SMG1: variants seen among roughly 807,000 people sequenced by gnomAD.
SMG1 encodes serine/threonine-protein kinase SMG1.
Under a neutral mutation model 419.9 loss-of-function variants are expected in SMG1, and 22 were observed. That is an observed-to-expected ratio of 0.05 (90% CI 0.04 to 0.07). The LOEUF (loss-of-function observed/expected upper bound fraction) is 0.07, where lower values mean the gene tolerates loss of function less well. SMG1 is among the 10% of genes least tolerant of loss of function. The pLI is 1.00. For missense variants in SMG1, 3,185 were observed against 4,342.0 expected (o/e 0.73, Z 7.49); for synonymous variants, 1,538 against 1,553.5 (o/e 0.99, Z 0.23).
At chr16:18,903,150 T>G (rs2141897710) in intron 1 of SMG1, among the ~76,000 whole-genome samples, 1 of 152,300 alleles carries the variant, frequency 6.6e-6, no homozygotes, top group South Asian at 2.1e-4. Flanking sequence ...TAGTAACATT[T>G]CTAGCAAACA....
chr16:18,908,874 C>T (rs954911048), intron 1 of SMG1, among the ~76,000 whole-genome samples: 27 of 149,806 alleles, frequency 1.8e-4, no homozygotes, highest in Admixed American at 5.3e-4. Flanking sequence ...AGCGAGACTC[C>T]GCCTCAAAAA....
At chr16:18,893,971 C>A (rs377469963) in intron 3 of SMG1, among the ~76,000 whole-genome samples, 2 of 151,654 alleles carry the variant, frequency 1.3e-5, no homozygotes, top group South Asian at 2.1e-4. Context: ...GCAGGAGAAT[C>A]ATTTTAATCT....
At position 18,829,483 on chromosome 16, in the gene SMG1, C is replaced by T; in HGVS notation, c.9406G>A (p.Asp3136Asn). ...FGAESKVSVD[D>N]LCKKAVEHNI... ...TGTTCCACCGCTTTCTTACAGAGAT[C>T]ATCAACAGAAACTTTGCTTTCGGCA... is the stretch of plus-strand genomic sequence containing the variant. The change falls in exon 54 of 63, where the codon GAT (aspartate) becomes AAT (asparagine). Residue 3136 changes from aspartate (D) to asparagine (N), a missense_variant. Physicochemically the swap from Asp to Asn is conservative, Grantham distance 23 (BLOSUM62 1). Around this residue, in one of 27 missense-constraint regions of SMG1, gnomAD observed 737 missense variants for 846.6 expected, o/e 0.87. Transcript: ENST00000446231. 6.2e-7 allele frequency: 1 copy of T among 1,613,990 alleles called. No homozygotes were observed. Among genetic ancestry groups the T allele is most frequent in the East Asian group, 2.2e-5 (1 of 44,880 alleles).
At chr16:18,869,676 A>G (rs898179905) in intron 19 of SMG1, among the ~76,000 whole-genome samples, 178 bp downstream of exon 19, 1 of 152,086 alleles carries the variant, frequency 6.6e-6, no homozygotes, top group Non-Finnish European at 1.5e-5. Context: ...TTTTGTTTCT[A>G]CAGATGCTAT....
At chr16:18,846,707 AAAAAG>A (rs1156439107) in intron 38 of SMG1, among the ~76,000 whole-genome samples, 3 of 152,208 alleles carry the variant, frequency 2.0e-5, no homozygotes, top group East Asian at 1.9e-4. Context: ...CTATTATCAA[AAAAAG>A]AAAAGAAAAG....
intron 1 of SMG1, among the ~76,000 whole-genome samples, chr16:18,903,934 C>CTTTTTTTTTTTTTT (rs71141091): frequency 1.0e-5 from 1 of 99,876 alleles, no homozygotes; most frequent in Admixed American, 1.3e-4. Flanking sequence ...TATGTCTTGT[C>CTTTTTTTTTTTTTT]TTTTTTTTTT....
At chr16:18,812,603 T>C (rs1229372474) in intron 60 of SMG1, among the ~76,000 whole-genome samples, 8 of 141,278 alleles carry the variant, frequency 5.7e-5, no homozygotes, top group Non-Finnish European at 9.3e-5. Flanking sequence ...TATATACACA[T>C]ATATATACAT....
intron 51 of SMG1, among the ~76,000 whole-genome samples, chr16:18,832,204 T>TA (rs931273268): frequency 2.0e-5 from 3 of 151,998 alleles, no homozygotes; most frequent in African/African-American, 7.3e-5. Flanking sequence ...TTCTGTGAAT[T>TA]AGACATTGGA....
At position 18,882,142 on chromosome 16, in the gene SMG1, T is replaced by C. The variant is rs770303155; in HGVS notation, c.1293+23A>G. ...AAACAATTTTATTTTTGAATGACAC[T>C]TGAAATGCCCAAAAGCACTTACATC... is the stretch of plus-strand genomic sequence containing the variant. On this transcript the variant is annotated intron_variant, in intron 10 of 62. Transcript: ENST00000446231. 24 of 1,507,064 alleles carry C rather than the reference T, an allele frequency of 1.6e-5. No homozygotes were observed. In the South Asian group the frequency reaches 2.5e-4, roughly 16 times the overall value. The allele number at this position is 1,507,064 out of a possible 1,614,324, so 93.4% of individuals were successfully genotyped here. A position where few individuals can be genotyped will look rare whatever the true frequency, so the allele number is the denominator to read the frequency against.
Position 18,854,859 on chromosome 16 carries a change from G to A in SMG1, c.4280C>T (p.Thr1427Ile). Residue 1427 changes from threonine (T) to isoleucine (I), a missense_variant, in exon 30 of 63, where the codon ACA (threonine) becomes ATA (isoleucine). Transcript: ENST00000446231. ...TCGTTTTCTAGCAAATTTTGCTGCT[G>A]TTAGACCTAATTCCATGAGATGGCT... is the stretch of plus-strand genomic sequence containing the variant. ...IRSHLMELGL[T>I]AAKFARKRGN... The A allele has an allele frequency of 1.2e-6, 2 of 1,613,992 alleles. No homozygotes were observed. The highest frequency in any genetic ancestry group is 1.7e-6 in the Non-Finnish European group (2 of 1,179,872).
Position 18,808,604 on chromosome 16 carries a change from A to C in SMG1, c.*965T>G, listed in dbSNP as rs934995528. The C allele has an allele frequency of 1.5e-4, 23 of 152,590 alleles. No individual in the cohort carries two copies. Among genetic ancestry groups the C allele is most frequent in the African/African-American group, 5.3e-4 (22 of 41,468 alleles). The allele number at this position is 152,590 out of a possible 1,614,324, so 9.5% of individuals were successfully genotyped here. A position where few individuals can be genotyped will look rare whatever the true frequency, so the allele number is the denominator to read the frequency against. ...GGGAAAATTTGAATGACCTCCAAAA[A>C]AAATGCACACTATAAGCAAAAGGGA... On this transcript the variant is annotated 3_prime_UTR_variant, in exon 63 of 63. Coordinates refer to ENST00000446231, the MANE Select transcript of SMG1 (RefSeq NM_015092.5).
Position 18,891,058 on chromosome 16 carries a change from A to G in SMG1, c.550-137T>C, listed in dbSNP as rs529865211. On this transcript the variant is annotated intron_variant, in intron 4 of 62. Coordinates refer to ENST00000446231, the MANE Select transcript of SMG1 (RefSeq NM_015092.5). ...GTTTCTTTATTATTCCCACTCCCCAATGAGCATGTATCAGGAATGTCATGT... is the reference window on the plus strand; with the variant it reads ...GTTTCTTTATTATTCCCACTCCCCAGTGAGCATGTATCAGGAATGTCATGT... 7.1e-5 allele frequency: 44 copies of G among 623,670 alleles called. 1 individual carries two copies. The highest frequency in any genetic ancestry group is 5.5e-4 in the South Asian group (29 of 52,786). 38.6% of individuals were successfully genotyped at this position (623,670 alleles called of 1,614,324 possible).
chr16:18,842,616 G>A (rs1300392642), intron 39 of SMG1, among the ~76,000 whole-genome samples, 162 bp from the exon 40 acceptor site: 1 of 152,164 alleles, frequency 6.6e-6, no homozygotes, highest in African/African-American at 2.4e-5. Context: ...CTTGAGTTCA[G>A]AAGTTCAAGA....
rs550064983 is a variant in SMG1, at chr16:18,925,987, TGCC to T, written c.52_54del (p.Gly18del). 4.4e-4 allele frequency: 679 copies of T among 1,556,910 alleles called. No homozygotes were observed. The highest frequency in any genetic ancestry group is 1.4e-3 in the Middle Eastern group (6 of 4,336). On this transcript the variant is annotated inframe_deletion, in exon 1 of 63. Coordinates refer to ENST00000446231, the MANE Select transcript of SMG1 (RefSeq NM_015092.5). ...TCATTCCAGCTCCGCGGATACTTGG[TGCC>T]GCCGCCGCCGCCGCCGCTGCTCAGC...
At chr16:18,908,283 G>A (rs961857700) in intron 1 of SMG1, among the ~76,000 whole-genome samples, 4 of 150,628 alleles carry the variant, frequency 2.7e-5, no homozygotes, top group African/African-American at 4.9e-5. Context: ...CAGGAGAATC[G>A]CTTACCCAGA....
intron 55 of SMG1, among the ~76,000 whole-genome samples, 173 bp downstream of exon 55, chr16:18,827,844 GTATATATATACCTA>G (rs2032852429): frequency 1.1e-5 from 1 of 95,066 alleles, no homozygotes; most frequent in African/African-American, 2.9e-5. Context: ...TATATCTTTG[GTATATATATACCTA>G]TATATATATA....
rs566614738 is a variant in SMG1, at chr16:18,860,695, T to C, written c.3777A>G (p.Leu1259=). 15 of 1,552,696 alleles carry C rather than the reference T, an allele frequency of 9.7e-6. No homozygotes were observed. In the South Asian group the frequency reaches 1.3e-4, roughly 13 times the overall value. Residue 1259 remains leucine (L), a synonymous_variant, in exon 26 of 63, where the codon CTA becomes CTG. Coordinates refer to ENST00000446231, the MANE Select transcript of SMG1 (RefSeq NM_015092.5). ...TTTTTTCTTTTGATCCTCCAGCAAG[T>C]AGATTGATATTTTCTCCTGGTAACA... The part of the protein sequence containing the change: ...LELLPGENIN[L]LAGGSKEKID...
Position 18,876,386 on chromosome 16 carries a change from G to C in SMG1, c.1628C>G (p.Ala543Gly), listed in dbSNP as rs763451247. 6.2e-6 allele frequency: 10 copies of C among 1,604,250 alleles called. No individual in the cohort carries two copies. Among genetic ancestry groups the C allele is most frequent in the Middle Eastern group, 2.3e-4 (1 of 4,440 alleles). The change falls in exon 13 of 63, where the codon GCT (alanine) becomes GGT (glycine). Residue 543 changes from alanine to glycine, a missense_variant. By Grantham distance (60) the Ala-to-Gly change is moderately conservative. This residue lies in a region of SMG1 where 297 missense variants were observed against 491.0 expected (regional missense o/e 0.60). Coordinates refer to ENST00000446231, the MANE Select transcript of SMG1 (RefSeq NM_015092.5). ...TGCTTGATAAACAGCATGGGCTACA[G>C]CAACAACCTGAAAAACAAAAAATTC... is the stretch of plus-strand genomic sequence containing the variant. ...LRYHKEKEVV[A>G]VAHAVYQAVL...
intron 51 of SMG1, 94 bp from the exon 52 acceptor site, chr16:18,830,463 T>A (rs2033093332): frequency 4.4e-6 from 6 of 1,378,320 alleles, no homozygotes; most frequent in African/African-American, 1.4e-5. Flanking sequence ...CTGCATGCTG[T>A]GAGAGTCTAG....
Sources: gnomAD v4.1 joint callset for allele counts (sites outside exome capture counted in the v4.1 genomes callset) on GRCh38, gnomAD v4.1.1 for gene constraint, gnomAD v4.1.1 regional missense constraint, MANE v1.5 for transcripts, NCBI Gene and HGNC (gene_info 2026-07-23, HGNC 2026-07-21) for gene names.